Variants in DLG2 observed in about 807,000 individuals in gnomAD.
The protein encoded by DLG2 is discs large MAGUK scaffold protein 2, also known as disks large homolog 2.
A neutral mutation model predicts 132.5 loss-of-function variants in DLG2; 45 were observed. That is an observed-to-expected ratio of 0.34 (90% confidence interval 0.27 to 0.44). The LOEUF is 0.44. Among genes scored for constraint, DLG2 ranks in the 20% least tolerant of loss-of-function variants. DLG2 has a pLI of 1.00. For missense variants in DLG2, 1,045 were observed against 1,196.9 expected, an observed-to-expected ratio of 0.87 and a Z score of 1.87; for synonymous variants, 424 against 419.6, an observed-to-expected ratio of 1.01 and a Z score of -0.13.
intron 6 of DLG2, among the ~76,000 whole-genome samples, chr11:84,692,134 G>T (rs565803740): frequency 1.3e-5 from 2 of 151,526 alleles, no homozygotes; most frequent in Non-Finnish European, 3.0e-5. Context: ...ATGTGTAGGC[G>T]CGCGACAGAT....
chr11:85,004,250 G>A (rs565111441), intron 6 of DLG2, among the ~76,000 whole-genome samples: 1 of 152,186 alleles, frequency 6.6e-6, no homozygotes, highest in Non-Finnish European at 1.5e-5. Flanking sequence ...TGGGATTGCT[G>A]AGGCAAATGG....
intron 3 of DLG2, among the ~76,000 whole-genome samples, chr11:85,348,668 A>ACTTTC (rs1204141162): frequency 6.6e-6 from 1 of 152,052 alleles, no homozygotes. Flanking sequence ...ACTTTCCTGT[A>ACTTTC]CTTTCCTTTC....
chr11:84,243,798 G>C (rs922567958), intron 8 of DLG2, among the ~76,000 whole-genome samples: 1 of 152,158 alleles, frequency 6.6e-6, no homozygotes, highest in African/African-American at 2.4e-5. Flanking sequence ...ACCAGTTCAA[G>C]ATTCAGTCAG....
intron 17 of DLG2, among the ~76,000 whole-genome samples, chr11:83,815,769 C>A (rs2048714090): frequency 6.6e-6 from 1 of 152,186 alleles, no homozygotes; most frequent in Non-Finnish European, 1.5e-5. Flanking sequence ...GCTCCCTGCA[C>A]ACAGGCCTCA....
intron 26 of DLG2, 112 bp downstream of exon 26, chr11:83,466,596 A>G (rs2091081599): frequency 1.7e-6 from 1 of 590,616 alleles, no homozygotes; most frequent in Non-Finnish European, 3.1e-6. Flanking sequence ...TGAAAAATCA[A>G]CAATGGCATT....
intron 10 of DLG2, among the ~76,000 whole-genome samples, chr11:84,093,338 T>A (rs956375855): frequency 6.6e-6 from 1 of 152,186 alleles, no homozygotes; most frequent in African/African-American, 2.4e-5. Context: ...GGGGCCTCTG[T>A]CTGCTCCTAG....
intron 6 of DLG2, among the ~76,000 whole-genome samples, chr11:84,560,696 C>T (rs980795707): frequency 4.6e-5 from 7 of 151,968 alleles, no homozygotes. Flanking sequence ...CCATAGACTA[C>T]TATGAGCTTT....
intron 3 of DLG2, chr11:85,286,127 A>C (rs747698513): frequency 1.1e-5 from 5 of 454,816 alleles, no homozygotes; most frequent in Non-Finnish European, 2.2e-5. Context: ...CAGAGACTAT[A>C]AAACCAAAGT....
chr11:84,081,422 A>G (rs2096901274), intron 10 of DLG2, among the ~76,000 whole-genome samples: 1 of 133,020 alleles, frequency 7.5e-6, no homozygotes, highest in South Asian at 2.7e-4. Context: ...CTTCAGGTCT[A>G]TAATTTACAA....
rs540443719 is a variant in DLG2, at chr11:84,927,560, G to C, written c.357+184101C>G. Among the ~76,000 whole-genome samples, 6 of 152,068 alleles carry C rather than the reference G, an allele frequency of 3.9e-5. No homozygotes were observed. The East Asian group carries it at 1.2e-3, about 29-fold the overall frequency. ...GCCGGATAATAAATATTTCAGGCTT[G>C]TAAGCCATACGATCTGTCACAACTA... On this transcript the variant is annotated intron_variant, in intron 6 of 27. Coordinates refer to ENST00000376104, the MANE Select transcript of DLG2 (RefSeq NM_001142699.3).
At chr11:84,578,867 T>A (rs1260083509) in intron 6 of DLG2, among the ~76,000 whole-genome samples, 1 of 152,066 alleles carries the variant, frequency 6.6e-6, no homozygotes, top group Non-Finnish European at 1.5e-5. Flanking sequence ...GAATTTTATC[T>A]CCCAGAATTC....
chr11:85,024,085 C>T lies in DLG2; in HGVS notation c.357+87576G>A, dbSNP rs934596832. ...AAGATTCTGGATCTTACCATGTCTT[C>T]GTTTCTTCATCTAAAAGTGGATTAT... On this transcript the variant is annotated intron_variant, in intron 6 of 27. Transcript: ENST00000376104. Among the ~76,000 whole-genome samples, 15 of 152,130 alleles carry T rather than the reference C, an allele frequency of 9.9e-5. No homozygotes were observed. In the East Asian group the frequency reaches 1.2e-3, roughly 12 times the overall value.
chr11:84,874,647 G>A (rs552516600), intron 6 of DLG2, among the ~76,000 whole-genome samples: 1 of 152,150 alleles, frequency 6.6e-6, no homozygotes, highest in Admixed American at 6.5e-5. Context: ...TGAATATGGA[G>A]AGACTAGTTA....
At chr11:83,725,071 G>A (rs886244303) in intron 18 of DLG2, 23 of 570,144 alleles carry the variant, frequency 4.0e-5, no homozygotes, top group African/African-American at 3.7e-4. Flanking sequence ...AGTTTGAGAT[G>A]CTTTGCAACA....
rs556531977 is a variant in DLG2, at chr11:84,264,469, G to A, written c.520-13178C>T. ...CTGTGTGTTTAACATAAAGAAGGAG[G>A]AATATTATCTGTTGCTGTGGGCTAG... On this transcript the variant is annotated intron_variant, in intron 7 of 27. Transcript: ENST00000376104. Among the ~76,000 whole-genome samples the A allele has an allele frequency of 1.2e-3, 176 of 152,262 alleles. 1 individual carries two copies. Among genetic ancestry groups the A allele is most frequent in the African/African-American group, 3.9e-3 (163 of 41,556 alleles).
At chr11:85,613,225 G>C (rs1002335279) in intron 2 of DLG2, among the ~76,000 whole-genome samples, 3 of 152,064 alleles carry the variant, frequency 2.0e-5, no homozygotes, top group African/African-American at 7.2e-5. Flanking sequence ...GTTTCCTCTA[G>C]AATCGAGGCC....
chr11:84,714,781 G>A lies in DLG2; in HGVS notation c.358-180050C>T, dbSNP rs74674992. On this transcript the variant is annotated intron_variant, in intron 6 of 27. Coordinates refer to ENST00000376104, the MANE Select transcript of DLG2 (RefSeq NM_001142699.3). ...CTTCTTCTGTTTGCCTGGTAACTACGGAGATTGGAAGAAATAACACTGGTA... is the reference window on the plus strand; with the variant it reads ...CTTCTTCTGTTTGCCTGGTAACTACAGAGATTGGAAGAAATAACACTGGTA... Among the ~76,000 whole-genome samples the A allele has an allele frequency of 2.5e-3, 384 of 150,822 alleles. 4 individuals carry two copies. The highest frequency in any genetic ancestry group is 9.0e-3 in the African/African-American group (369 of 41,030).
chr11:83,945,365 G>T (rs1365537572), intron 14 of DLG2, among the ~76,000 whole-genome samples: 2 of 152,162 alleles, frequency 1.3e-5, no homozygotes, highest in Non-Finnish European at 2.9e-5. Context: ...CTTCCCAAGT[G>T]TGAAGCAGAT....
intron 15 of DLG2, among the ~76,000 whole-genome samples, chr11:83,910,935 C>T (rs1357315345): frequency 6.6e-6 from 1 of 152,028 alleles, no homozygotes; most frequent in Non-Finnish European, 1.5e-5. Context: ...AAGAGGTTTA[C>T]ATTAATATAG....
Sources: gnomAD v4.1 joint callset for allele counts (sites outside exome capture counted in the v4.1 genomes callset) on GRCh38, gnomAD v4.1.1 for gene constraint, MANE v1.5 for transcripts, NCBI Gene and HGNC (gene_info 2026-07-23, HGNC 2026-07-21) for gene names.